The following NDST3 variants were observed in gnomAD, a reference collection of about 807,000 sequenced individuals.
NDST3 encodes N-deacetylase and N-sulfotransferase 3.
In NDST3, 58 loss-of-function variants were observed where a neutral mutation model predicts 96.1. The observed-to-expected ratio is 0.60, with a 90% confidence interval of 0.49 to 0.75. The LOEUF (loss-of-function observed/expected upper bound fraction) is 0.75, where lower values mean the gene tolerates loss of function less well. NDST3 is among the 30% of genes least tolerant of loss of function. The pLI is 0.00. For missense variants in NDST3, 788 were observed against 1,034.2 expected, an observed-to-expected ratio of 0.76 and a Z score of 3.27; for synonymous variants, 333 against 359.7, an observed-to-expected ratio of 0.93 and a Z score of 0.84.
intron 2 of NDST3, among the ~76,000 whole-genome samples, chr4:118,077,906 G>A (rs1578592507): frequency 1.3e-5 from 2 of 152,174 alleles, no homozygotes; most frequent in African/African-American, 4.8e-5. Context: ...CTGGCTACCA[G>A]TGGCAGGAGT....
In NDST3 at chr4:118,076,692, T is replaced by C. The variant is rs1173464615; in HGVS notation, c.981+21801T>C. On this transcript the variant is annotated intron_variant, in intron 2 of 13. Transcript: ENST00000296499. ...CGGCTGTTTTATCTTTTGGATCCTG[T>C]ATTGTTTTGTTGTATTCCTTAGAGT... 2.8e-4 allele frequency among the ~76,000 whole-genome samples: 43 copies of C among 152,198 alleles called. 1 individual carries two copies. Among genetic ancestry groups the C allele is most frequent in the Admixed American group, 2.8e-3 (43 of 15,274 alleles).
intron 2 of NDST3, among the ~76,000 whole-genome samples, chr4:118,056,148 A>AT (rs556561591): frequency 3.3e-5 from 5 of 151,842 alleles, no homozygotes; most frequent in Middle Eastern, 3.4e-3. Context: ...TAATTCTTCC[A>AT]TTTTTTTTCC....
At chr4:118,161,320 G>A (rs1371476754) in intron 6 of NDST3, among the ~76,000 whole-genome samples, 1 of 152,232 alleles carries the variant, frequency 6.6e-6, no homozygotes, top group African/African-American at 2.4e-5. Flanking sequence ...GGGGGTCAGG[G>A]TCAGGGACCC....
intron 6 of NDST3, among the ~76,000 whole-genome samples, chr4:118,192,581 T>C (rs1157057246): frequency 1.3e-5 from 2 of 152,196 alleles, no homozygotes; most frequent in African/African-American, 4.8e-5. Flanking sequence ...TTGTCAAAAA[T>C]GAGTTTACTG....
At chr4:118,126,465 T>C (rs1732072687) in intron 4 of NDST3, among the ~76,000 whole-genome samples, 1 of 151,220 alleles carries the variant, frequency 6.6e-6, no homozygotes, top group Non-Finnish European at 1.5e-5. Context: ...TTCTTTTTTA[T>C]GGCTGAATAG....
chr4:118,124,446 T>A (rs2125878571), intron 4 of NDST3, among the ~76,000 whole-genome samples: 1 of 152,100 alleles, frequency 6.6e-6, no homozygotes, highest in African/African-American at 2.4e-5. Context: ...GACAACTCTG[T>A]GAGATCATTA....
chr4:118,125,970 G>T (rs1238567909), intron 4 of NDST3, among the ~76,000 whole-genome samples: 1 of 151,828 alleles, frequency 6.6e-6, no homozygotes, highest in South Asian at 2.1e-4. Flanking sequence ...CATATATTGG[G>T]CCACTCTGCC....
chr4:118,216,900 C>T (rs892621953), intron 6 of NDST3, among the ~76,000 whole-genome samples: 2 of 152,078 alleles, frequency 1.3e-5, no homozygotes, highest in Admixed American at 1.3e-4. Context: ...GCTCAAAGCA[C>T]ATACAATATA....
At chr4:118,191,163 G>GCT (rs1414772211) in intron 6 of NDST3, among the ~76,000 whole-genome samples, 3 of 152,162 alleles carry the variant, frequency 2.0e-5, no homozygotes, top group Admixed American at 2.0e-4. Context: ...AAAGCACAGA[G>GCT]CTAACACTTT....
intron 2 of NDST3, among the ~76,000 whole-genome samples, chr4:118,061,854 T>G (rs757091955): frequency 2.6e-5 from 4 of 152,154 alleles, no homozygotes; most frequent in Non-Finnish European, 5.9e-5. Flanking sequence ...AATTCATGAA[T>G]CAGGCAGCCT....
intron 6 of NDST3, among the ~76,000 whole-genome samples, chr4:118,198,650 T>G (rs1328692280): frequency 6.6e-6 from 1 of 152,198 alleles, no homozygotes; most frequent in East Asian, 1.9e-4. Context: ...TAGTGGATTT[T>G]GTACCTTCAG....
chr4:118,070,916 C>T (rs146918703), intron 2 of NDST3, among the ~76,000 whole-genome samples: 2 of 151,916 alleles, frequency 1.3e-5, no homozygotes, highest in East Asian at 1.9e-4. Context: ...TTTGTCCTTG[C>T]GATAGCTTGC....
At chr4:118,189,663 TCA>T (rs1476579167) in intron 6 of NDST3, among the ~76,000 whole-genome samples, 6 of 152,182 alleles carry the variant, frequency 3.9e-5, no homozygotes, top group African/African-American at 1.4e-4. Context: ...TAGAGGAGAC[TCA>T]GTTTTCCAAC....
At chr4:118,229,129 C>G (rs1288232296) in intron 8 of NDST3, among the ~76,000 whole-genome samples, 1 of 151,594 alleles carries the variant, frequency 6.6e-6, no homozygotes, top group Non-Finnish European at 1.5e-5. Context: ...GGTGAAAACC[C>G]GTCACTACTA....
rs796682555 is a variant in NDST3 at position 118,156,555 on chromosome 4, A to G, written c.1539+12871A>G. 3.3e-5 allele frequency among the ~76,000 whole-genome samples: 5 copies of G among 152,328 alleles called. No homozygotes were observed. The East Asian group carries it at 7.7e-4, about 24-fold the overall frequency. ...GACTTCCCATGACTACATACATACT[A>G]TCTTTGGAATTTGAAAGAAATTTGG... On this transcript the variant is annotated intron_variant, in intron 6 of 13. Coordinates refer to ENST00000296499, the MANE Select transcript of NDST3 (RefSeq NM_004784.3).
intron 2 of NDST3, among the ~76,000 whole-genome samples, chr4:118,099,010 G>C (rs1729564225): frequency 6.6e-6 from 1 of 152,030 alleles, no homozygotes; most frequent in Admixed American, 6.6e-5. Flanking sequence ...AATTACAAAG[G>C]ATTTCATTCA....
chr4:118,149,777 A>C lies in NDST3; in HGVS notation c.1539+6093A>C, dbSNP rs62326149. On this transcript the variant is annotated intron_variant, in intron 6 of 13. Coordinates refer to ENST00000296499, the MANE Select transcript of NDST3 (RefSeq NM_004784.3). ...TCTCCTGCCTAATTGCCCTGGCCAG[A>C]ACTTCCAACACTATGTTGAATAGGA... 5.6e-3 allele frequency among the ~76,000 whole-genome samples: 845 copies of C among 150,048 alleles called. 4 individuals carry two copies. Among genetic ancestry groups the C allele is most frequent in the Non-Finnish European group, 9.1e-3 (612 of 67,204 alleles).
chr4:118,186,236 C>T (rs1217532619), intron 6 of NDST3, among the ~76,000 whole-genome samples: 2 of 152,140 alleles, frequency 1.3e-5, no homozygotes, highest in Non-Finnish European at 2.9e-5. Context: ...GCCTACTGTA[C>T]AAACTCAGTC....
chr4:118,061,136 C>T (rs2110466893), intron 2 of NDST3, among the ~76,000 whole-genome samples: 1 of 152,272 alleles, frequency 6.6e-6, no homozygotes, highest in South Asian at 2.1e-4. Flanking sequence ...CGCCCAGCTC[C>T]TTTTCCCTCA....
Sources: gnomAD v4.1 joint callset for allele counts (sites outside exome capture counted in the v4.1 genomes callset) on GRCh38, gnomAD v4.1.1 for gene constraint, MANE v1.5 for transcripts, NCBI Gene and HGNC (gene_info 2026-07-23, HGNC 2026-07-21) for gene names.